PPARGC1A: variants seen among roughly 807,000 people sequenced by gnomAD.
PPARGC1A encodes the protein peroxisome proliferator-activated receptor gamma coactivator 1-alpha.
In PPARGC1A, 25 loss-of-function variants were observed where a neutral mutation model predicts 88.7. The observed-to-expected ratio is 0.28, with a 90% CI of 0.21 to 0.39. PPARGC1A has a LOEUF of 0.39. Among genes scored for constraint, PPARGC1A ranks in the 10% least tolerant of loss-of-function variants. The pLI, the probability that PPARGC1A is intolerant of heterozygous loss-of-function variation, is 1.00. For missense variants in PPARGC1A, 880 were observed against 968.7 expected, an observed-to-expected ratio of 0.91 and a Z score of 1.22; for synonymous variants, 363 against 355.6, an observed-to-expected ratio of 1.02 and a Z score of -0.24.
At chr4:23,833,147 TATAAAATATAATATTTA>T (rs1725344932) in intron 2 of PPARGC1A, among the ~76,000 whole-genome samples, 2 of 152,162 alleles carry the variant, frequency 1.3e-5, no homozygotes, top group Non-Finnish European at 2.9e-5. Flanking sequence ...AACAATTCAT[TATAAAATATAATATTTA>T]TTTCAGTACT....
chr4:24,328,941 C>G, the PPARGC1A span, among the ~76,000 whole-genome samples: 1 of 152,204 alleles, frequency 6.6e-6, no homozygotes, highest in Non-Finnish European at 1.5e-5. Context: ...CTCGGACTGG[C>G]CACTTCAATT....
the PPARGC1A span, among the ~76,000 whole-genome samples, chr4:23,960,280 G>T: frequency 6.6e-6 from 1 of 152,124 alleles, no homozygotes; most frequent in South Asian, 2.1e-4. Flanking sequence ...CAACTGCTGG[G>T]ATGCAAGAGG....
chr4:23,910,352 ATATATTATATATAT>A, the PPARGC1A span, among the ~76,000 whole-genome samples: 596 of 83,522 alleles, frequency 7.1e-3, 9 homozygotes, highest in African/African-American at 0.028. Context: ...TATATATTAT[ATATATTATATATAT>A]TATATTATAT....
At chr4:23,982,805 T>C in the PPARGC1A span, among the ~76,000 whole-genome samples, 1 of 152,280 alleles carries the variant, frequency 6.6e-6, no homozygotes, top group Non-Finnish European at 1.5e-5. Context: ...AGATAACGTC[T>C]GTAAAGCAGT....
chr4:24,000,992 T>G, the PPARGC1A span, among the ~76,000 whole-genome samples: 4 of 152,238 alleles, frequency 2.6e-5, no homozygotes, highest in Non-Finnish European at 5.9e-5. Context: ...AAGAGTACTA[T>G]AGAAAGGTTA....
the PPARGC1A span, among the ~76,000 whole-genome samples, chr4:23,957,764 TG>T: frequency 1.3e-5 from 2 of 152,116 alleles, no homozygotes; most frequent in Admixed American, 1.3e-4. Context: ...TACTTTTTAA[TG>T]TAGATATCCA....
the PPARGC1A span, among the ~76,000 whole-genome samples, chr4:24,295,773 C>G: frequency 6.6e-6 from 1 of 150,578 alleles, no homozygotes; most frequent in Non-Finnish European, 1.5e-5. Context: ...GTATTACACA[C>G]TGCACTGTGT....
chr4:24,093,824 C>T, the PPARGC1A span, among the ~76,000 whole-genome samples: 1 of 152,276 alleles, frequency 6.6e-6, no homozygotes. Context: ...CTCTGTGTCC[C>T]TGGGCAGGTT....
intron 2 of PPARGC1A, among the ~76,000 whole-genome samples, chr4:23,851,151 C>G (rs531823267): frequency 6.6e-6 from 1 of 152,290 alleles, no homozygotes; most frequent in African/African-American, 2.4e-5. Flanking sequence ...CAACCTAGAA[C>G]ACAATTTCAT....
Position 23,884,842 on chromosome 4 carries a change from T to C in PPARGC1A, c.144A>G (p.Thr48=). 6.2e-7 allele frequency: 1 copy of C among 1,613,942 alleles called. No homozygotes were observed. Among genetic ancestry groups the C allele is most frequent in the Non-Finnish European group, 8.5e-7 (1 of 1,179,908 alleles). The change falls in exon 2 of 13, where the codon ACA becomes ACG. Residue 48 remains threonine (T), a synonymous_variant. Coordinates refer to ENST00000264867, the MANE Select transcript of PPARGC1A (RefSeq NM_013261.5). The part of the protein sequence containing the change: ...LSELDVNDLD[T]DSFLGGLKWC... ...ACTTGAGTCCACCCAGAAAGCTGTC[T>C]GTATCCAAGTCGTTCACATCTAGTT...
At chr4:24,333,087 C>T in the PPARGC1A span, among the ~76,000 whole-genome samples, 3 of 152,106 alleles carry the variant, frequency 2.0e-5, no homozygotes, top group South Asian at 6.2e-4. Context: ...ACAAAAACTA[C>T]AAAAATTAGC....
the PPARGC1A span, among the ~76,000 whole-genome samples, chr4:24,242,044 T>C: frequency 9.2e-5 from 14 of 152,190 alleles, no homozygotes; most frequent in East Asian, 1.3e-3. Context: ...CTAGATTCTA[T>C]TGATTCTCTC....
the PPARGC1A span, among the ~76,000 whole-genome samples, chr4:24,394,922 G>A: frequency 6.6e-6 from 1 of 152,164 alleles, no homozygotes; most frequent in South Asian, 2.1e-4. Flanking sequence ...TATAGAGCTT[G>A]GGAGTTAATT....
chr4:23,933,224 C>T, the PPARGC1A span, among the ~76,000 whole-genome samples: 1 of 152,156 alleles, frequency 6.6e-6, no homozygotes, highest in Non-Finnish European at 1.5e-5. Context: ...TACCTCTTTC[C>T]TTTGTTATTC....
chr4:23,921,817 G>A, the PPARGC1A span, among the ~76,000 whole-genome samples: 1 of 152,142 alleles, frequency 6.6e-6, no homozygotes, highest in East Asian at 1.9e-4. Context: ...TAATGATTCT[G>A]TGGTTTAAAA....
chr4:23,841,597 T>C (rs1194069097), intron 2 of PPARGC1A, among the ~76,000 whole-genome samples: 5 of 152,062 alleles, frequency 3.3e-5, no homozygotes, highest in African/African-American at 1.2e-4. Context: ...TGTATTGTAT[T>C]CAGATTTTTA....
the PPARGC1A span, among the ~76,000 whole-genome samples, chr4:24,264,707 G>C: frequency 2.6e-5 from 4 of 152,214 alleles, no homozygotes; most frequent in Non-Finnish European, 5.9e-5. Flanking sequence ...ATGAGTTCTT[G>C]TCTCATGCAT....
chr4:23,834,457 C>A (rs1198056148), intron 2 of PPARGC1A, among the ~76,000 whole-genome samples: 2 of 150,716 alleles, frequency 1.3e-5, no homozygotes, highest in Non-Finnish European at 3.0e-5. Context: ...CCACTGCACT[C>A]CAGTATGGGT....
chr4:24,204,059 A>G, the PPARGC1A span, among the ~76,000 whole-genome samples: 1 of 152,232 alleles, frequency 6.6e-6, no homozygotes, highest in Non-Finnish European at 1.5e-5. Context: ...CAAGATGTTG[A>G]AAACGAAATT....
Sources: allele counts gnomAD v4.1 joint callset (sites outside exome capture counted in the v4.1 genomes callset), GRCh38; gene constraint gnomAD v4.1.1; transcripts MANE v1.5; gene names NCBI Gene and HGNC (gene_info 2026-07-23, HGNC 2026-07-21).